Variants in ARID1B observed in about 807,000 individuals in gnomAD.
ARID1B encodes the protein AT-rich interaction domain 1B, also known as AT-rich interactive domain-containing protein 1B.
Under a neutral mutation model 212.3 loss-of-function variants are expected in ARID1B, and 30 were observed. The observed-to-expected ratio is 0.14, with a 90% CI of 0.11 to 0.19. ARID1B has a LOEUF of 0.19. Ranked by LOEUF, ARID1B falls within the 10% of genes least tolerant of loss-of-function variation. The pLI, the probability that ARID1B is intolerant of heterozygous loss-of-function variation, is 1.00. For missense variants in ARID1B, 2,891 were observed against 3,204.0 expected (o/e 0.90, Z 2.36); for synonymous variants, 1,402 against 1,301.7 (o/e 1.08, Z -1.66).
At chr6:156,821,673 A>T (rs961427428) in intron 1 of ARID1B, among the ~76,000 whole-genome samples, 23 of 152,234 alleles carry the variant, frequency 1.5e-4, no homozygotes, top group Admixed American at 6.5e-5. Context: ...AATATATTAA[A>T]GTGCTTTGGA....
At chr6:157,020,151 T>C (rs912237560) in intron 4 of ARID1B, among the ~76,000 whole-genome samples, 5 of 152,200 alleles carry the variant, frequency 3.3e-5, no homozygotes, top group African/African-American at 9.7e-5. Flanking sequence ...AAATTTGCCG[T>C]TCAGGAAATG....
intron 4 of ARID1B, among the ~76,000 whole-genome samples, chr6:157,056,153 C>T (rs947823391): frequency 4.6e-5 from 7 of 152,154 alleles, no homozygotes; most frequent in African/African-American, 1.4e-4. Context: ...CCACCTCATA[C>T]TTAGGGTCAG....
chr6:156,981,869 G>T lies in ARID1B; in HGVS notation c.2247+46293G>T, dbSNP rs1341711206. Among the ~76,000 whole-genome samples, 4 of 152,038 alleles carry T rather than the reference G, an allele frequency of 2.6e-5. No individual in the cohort carries two copies. In the East Asian group the frequency reaches 7.7e-4, roughly 29 times the overall value. ...TCCTGTGCCCTCCAACAACTGGGCAGTGCAGTCTTCATGCGGTCATACCTG... is the reference window on the plus strand; with the variant it reads ...TCCTGTGCCCTCCAACAACTGGGCATTGCAGTCTTCATGCGGTCATACCTG... On this transcript the variant is annotated intron_variant, in intron 4 of 19. Transcript: ENST00000636930.
intron 1 of ARID1B, among the ~76,000 whole-genome samples, chr6:156,808,643 ACTCT>A (rs144554506): frequency 6.6e-6 from 1 of 152,140 alleles, no homozygotes; most frequent in African/African-American, 2.4e-5. Context: ...AAGTGTACTA[ACTCT>A]CTATAAAGAA....
chr6:156,840,570 G>A (rs552554789), intron 2 of ARID1B, among the ~76,000 whole-genome samples: 4 of 152,286 alleles, frequency 2.6e-5, no homozygotes, highest in Non-Finnish European at 4.4e-5. Context: ...TGCTTTAGCC[G>A]TGTTATCTGC....
intron 4 of ARID1B, among the ~76,000 whole-genome samples, chr6:156,944,929 T>TC (rs1792956972): frequency 6.7e-6 from 1 of 149,998 alleles, no homozygotes; most frequent in Non-Finnish European, 1.5e-5. Flanking sequence ...CTTTTCCTTT[T>TC]TTTTTTTTTT....
intron 4 of ARID1B, chr6:156,943,319 C>T (rs749521781): frequency 3.9e-5 from 6 of 152,092 alleles, no homozygotes; most frequent in Non-Finnish European, 5.9e-5. Flanking sequence ...AGGAACATGC[C>T]GTGCGTGCAT....
intron 1 of ARID1B, among the ~76,000 whole-genome samples, chr6:156,779,947 G>T (rs1290968238): frequency 6.6e-6 from 1 of 152,178 alleles, no homozygotes; most frequent in Admixed American, 6.5e-5. Flanking sequence ...CACACCTTTA[G>T]CCACAGCACG....
Position 157,198,829 on chromosome 6 carries a change from G to A in ARID1B, c.4401G>A (p.Gln1467=), listed in dbSNP as rs2128366042. The change falls in exon 17 of 20, where the codon CAG becomes CAA. Residue 1467 remains glutamine, a synonymous_variant. Transcript: ENST00000636930. ...ATTCCAGGCATGAACCTTATGGGCA[G>A]CAGTATCCAGGCCAAGGCCCTCCCT... ...SYDRRHEPYG[Q]QYPGQGPPSG... is the part of the protein sequence containing the mutation. 1 of 1,612,170 alleles carries A rather than the reference G, an allele frequency of 6.2e-7. No individual in the cohort carries two copies. The highest frequency in any genetic ancestry group is 8.5e-7 in the Non-Finnish European group (1 of 1,179,172).
intron 4 of ARID1B, among the ~76,000 whole-genome samples, chr6:157,012,889 G>A (rs141130482): frequency 3.2e-4 from 49 of 152,168 alleles, no homozygotes; most frequent in African/African-American, 1.1e-3. Context: ...GTTTTGTTTC[G>A]TTTTTTTGAA....
At chr6:156,986,073 TG>T (rs944064653) in intron 4 of ARID1B, among the ~76,000 whole-genome samples, 11 of 152,346 alleles carry the variant, frequency 7.2e-5, no homozygotes, top group African/African-American at 2.6e-4. Context: ...TTTTTGTCTT[TG>T]ATCTGTGAGG....
chr6:156,967,522 G>A (rs1454692936), intron 4 of ARID1B, among the ~76,000 whole-genome samples: 1 of 151,606 alleles, frequency 6.6e-6, no homozygotes, highest in East Asian at 1.9e-4. Flanking sequence ...GAGAGAAGAG[G>A]AGGAGGGAGA....
chr6:156,869,215 T>C (rs117729079), intron 2 of ARID1B, among the ~76,000 whole-genome samples: 8 of 152,202 alleles, frequency 5.3e-5, no homozygotes, highest in African/African-American at 1.9e-4. Context: ...ATTTTCAGAT[T>C]TAATACTTTT....
chr6:156,987,581 C>T (rs1450065296), intron 4 of ARID1B, among the ~76,000 whole-genome samples: 2 of 152,182 alleles, frequency 1.3e-5, no homozygotes, highest in Non-Finnish European at 2.9e-5. Flanking sequence ...CCGCCCGCCT[C>T]GGCCTCCCAA....
chr6:156,808,086 C>G (rs1368408882), intron 1 of ARID1B, among the ~76,000 whole-genome samples: 1 of 152,136 alleles, frequency 6.6e-6, no homozygotes, highest in South Asian at 2.1e-4. Context: ...GGCTTTAACC[C>G]TATTGTATCC....
At chr6:156,804,511 A>G (rs759183946) in intron 1 of ARID1B, among the ~76,000 whole-genome samples, 25 of 152,294 alleles carry the variant, frequency 1.6e-4, no homozygotes, top group Admixed American at 3.3e-4. Context: ...ATAGTTCTGC[A>G]TGGCTGGGGA....
At chr6:157,022,738 T>G (rs1439290578) in intron 4 of ARID1B, 3 of 143,000 alleles carry the variant, frequency 2.1e-5, no homozygotes, top group African/African-American at 7.8e-5. Flanking sequence ...TTGTTGATAA[T>G]TCTTATGCAG....
intron 4 of ARID1B, among the ~76,000 whole-genome samples, chr6:157,014,310 CT>C (rs1562549990): frequency 6.6e-6 from 1 of 152,148 alleles, no homozygotes; most frequent in Non-Finnish European, 1.5e-5. Context: ...TGGTTCTTAC[CT>C]TTTATGCAAT....
intron 1 of ARID1B, among the ~76,000 whole-genome samples, chr6:156,824,457 G>C (rs905321836): frequency 6.6e-6 from 1 of 152,172 alleles, no homozygotes; most frequent in African/African-American, 2.4e-5. Flanking sequence ...GTCATACCCG[G>C]ATAGATGTTA....
Sources: allele counts gnomAD v4.1 joint callset (sites outside exome capture counted in the v4.1 genomes callset), GRCh38; gene constraint gnomAD v4.1.1; transcripts MANE v1.5; gene names NCBI Gene and HGNC (gene_info 2026-07-23, HGNC 2026-07-21).